Variants in NKAIN2 observed in about 807,000 individuals in gnomAD.
NKAIN2 encodes sodium/potassium transporting ATPase interacting 2, also known as sodium/potassium-transporting ATPase subunit beta-1-interacting protein 2.
NKAIN2 carries 14 observed loss-of-function variants against 32.6 expected under a neutral mutation model. The ratio of observed to expected loss-of-function variants is 0.43; its 90% CI spans 0.28 to 0.67. The LOEUF (loss-of-function observed/expected upper bound fraction) is 0.67, where lower values mean the gene tolerates loss of function less well. NKAIN2 is among the 30% of genes least tolerant of loss of function. NKAIN2 has a pLI of 0.17. For synonymous variants in NKAIN2, 80 were observed against 87.2 expected (o/e 0.92, Z 0.46); for missense variants, 198 against 258.3 (o/e 0.77, Z 1.60).
At chr6:124,020,796 T>G (rs1780828489) in intron 1 of NKAIN2, among the ~76,000 whole-genome samples, 1 of 152,052 alleles carries the variant, frequency 6.6e-6, no homozygotes, top group African/African-American at 2.4e-5. Flanking sequence ...TTTGCATCAT[T>G]AGAACACAAT....
At chr6:124,699,155 A>G (rs1774642257) in intron 4 of NKAIN2, among the ~76,000 whole-genome samples, 1 of 152,162 alleles carries the variant, frequency 6.6e-6, no homozygotes, top group Non-Finnish European at 1.5e-5. Flanking sequence ...AAGTTTGGCT[A>G]TGTGGTTCTG....
At chr6:124,036,104 C>A (rs1562321566) in intron 1 of NKAIN2, among the ~76,000 whole-genome samples, 1 of 152,062 alleles carries the variant, frequency 6.6e-6, no homozygotes, top group Non-Finnish European at 1.5e-5. Context: ...TATGCCTCAA[C>A]CCACATGTTA....
chr6:124,689,819 C>T (rs1032254934), intron 4 of NKAIN2, among the ~76,000 whole-genome samples: 34 of 152,058 alleles, frequency 2.2e-4, no homozygotes, highest in African/African-American at 8.0e-4. Flanking sequence ...CATTGATCTA[C>T]TTATCTAATC....
At chr6:124,413,696 C>T (rs1774327451) in intron 3 of NKAIN2, among the ~76,000 whole-genome samples, 1 of 152,118 alleles carries the variant, frequency 6.6e-6, no homozygotes, top group Non-Finnish European at 1.5e-5. Context: ...TATATTGCTC[C>T]ACTTACTTTG....
chr6:124,355,148 G>A (rs1373938775), intron 2 of NKAIN2, 119 bp from the exon 3 acceptor site: 8 of 646,618 alleles, frequency 1.2e-5, no homozygotes, highest in Admixed American at 5.2e-5. Flanking sequence ...TTAGAGAGAA[G>A]CAATATTTAA....
At chr6:123,816,540 A>C (rs542626442) in intron 1 of NKAIN2, among the ~76,000 whole-genome samples, 7 of 152,288 alleles carry the variant, frequency 4.6e-5, no homozygotes, top group Admixed American at 3.3e-4. Flanking sequence ...TCAGCACCCA[A>C]CTTTCTAAGA....
chr6:124,268,680 A>G (rs941482154), intron 1 of NKAIN2, among the ~76,000 whole-genome samples: 1 of 151,648 alleles, frequency 6.6e-6, no homozygotes, highest in African/African-American at 2.4e-5. Context: ...AATGAAATAT[A>G]AACATATATA....
chr6:124,552,675 C>A (rs1437951460), intron 3 of NKAIN2, among the ~76,000 whole-genome samples: 2 of 152,192 alleles, frequency 1.3e-5, no homozygotes, highest in African/African-American at 2.4e-5. Flanking sequence ...AAAATCTTTT[C>A]AATGTCTGCT....
chr6:124,113,957 A>G (rs1295920976), intron 1 of NKAIN2, among the ~76,000 whole-genome samples: 1 of 152,208 alleles, frequency 6.6e-6, no homozygotes, highest in Non-Finnish European at 1.5e-5. Flanking sequence ...TCACTCTGCT[A>G]CATTCTTGTA....
chr6:124,647,426 G>A (rs1352159843), intron 3 of NKAIN2, among the ~76,000 whole-genome samples: 7 of 147,568 alleles, frequency 4.7e-5, no homozygotes. Flanking sequence ...TTGAACCCAG[G>A]AGGTGGAGGG....
chr6:124,331,345 C>CAA (rs1162529828), intron 2 of NKAIN2, among the ~76,000 whole-genome samples: 243 of 20,818 alleles, frequency 0.012, 37 homozygotes, highest in East Asian at 0.021. Context: ...ACTAAATATA[C>CAA]AAAAAAAAAA....
At chr6:124,706,987 C>G (rs1775116051) in intron 4 of NKAIN2, among the ~76,000 whole-genome samples, 1 of 141,508 alleles carries the variant, frequency 7.1e-6, no homozygotes, top group Non-Finnish European at 1.5e-5. Flanking sequence ...CTATCCGTCC[C>G]CCCTCCCCCC....
chr6:124,047,796 C>T lies in NKAIN2; in HGVS notation c.55-235209C>T, dbSNP rs561849137. Among the ~76,000 whole-genome samples, 5 of 152,022 alleles carry T rather than the reference C, an allele frequency of 3.3e-5. No individual in the cohort carries two copies. In the East Asian group the frequency reaches 9.8e-4, roughly 30 times the overall value. On this transcript the variant is annotated intron_variant, in intron 1 of 6. Transcript: ENST00000368417. ...AGAGAGTGAAGACCTTTCATCAATC[C>T]ATCTCTTGGCATCCAGCAATATTCA...
At chr6:124,143,902 C>T (rs1787262809) in intron 1 of NKAIN2, among the ~76,000 whole-genome samples, 1 of 151,978 alleles carries the variant, frequency 6.6e-6, no homozygotes, top group African/African-American at 2.4e-5. Context: ...ATGATTTAGG[C>T]TTGTATATAA....
At chr6:123,929,014 C>T (rs9401713) in intron 1 of NKAIN2, among the ~76,000 whole-genome samples, 47,918 of 151,982 alleles carry the variant, frequency 0.32, 8,447 homozygotes, top group East Asian at 0.64. Context: ...CTCCACACTA[C>T]ATGTTCCTAC....
In NKAIN2 at chr6:124,791,918, A is replaced by G. The variant is rs572392627; in HGVS notation, c.535+519A>G. Among the ~76,000 whole-genome samples the G allele has an allele frequency of 5.1e-4, 77 of 152,254 alleles. 1 individual carries two copies. The Middle Eastern group carries it at 0.01, about 20-fold the overall frequency. On this transcript the variant is annotated intron_variant, in intron 5 of 6. Transcript: ENST00000368417. ...CTTTTTGTTCCTACTATTTGACACA[A>G]ATGGCTAGAACTCTAACTATGTCAA...
At chr6:124,428,276 G>A (rs1775067522) in intron 3 of NKAIN2, among the ~76,000 whole-genome samples, 1 of 151,904 alleles carries the variant, frequency 6.6e-6, no homozygotes, top group African/African-American at 2.4e-5. Context: ...TTACAAAATA[G>A]AAAATACCAC....
At chr6:124,124,898 G>A (rs1331265922) in intron 1 of NKAIN2, among the ~76,000 whole-genome samples, 3 of 152,124 alleles carry the variant, frequency 2.0e-5, no homozygotes, top group Admixed American at 6.6e-5. Flanking sequence ...TGTAACTAGA[G>A]CTAATATTGT....
At chr6:124,725,150 A>C (rs1776209297) in intron 4 of NKAIN2, among the ~76,000 whole-genome samples, 1 of 152,200 alleles carries the variant, frequency 6.6e-6, no homozygotes, top group Non-Finnish European at 1.5e-5. Flanking sequence ...GCTGCTTTGA[A>C]TTACCTAGAA....
Sources: gnomAD v4.1 joint callset for allele counts (sites outside exome capture counted in the v4.1 genomes callset) on GRCh38, gnomAD v4.1.1 for gene constraint, MANE v1.5 for transcripts, NCBI Gene and HGNC (gene_info 2026-07-23, HGNC 2026-07-21) for gene names.